Variants in EML6 observed in about 807,000 individuals in gnomAD.
EML6 encodes the protein echinoderm microtubule-associated protein-like 6.
A neutral mutation model predicts 240.1 loss-of-function variants in EML6; 154 were observed. The ratio of observed to expected loss-of-function variants is 0.64; its 90% confidence interval spans 0.56 to 0.73. The LOEUF (loss-of-function observed/expected upper bound fraction) is 0.73, where lower values mean the gene tolerates loss of function less well. EML6 is among the 30% of genes least tolerant of loss of function. The pLI is 0.00. For missense variants in EML6, 2,964 were observed against 2,474.6 expected, an observed-to-expected ratio of 1.20 and a Z score of -4.20; for synonymous variants, 1,148 against 899.0, an observed-to-expected ratio of 1.28 and a Z score of -4.95.
chr2:54,798,677 T>C (rs145581225), intron 2 of EML6, among the ~76,000 whole-genome samples: 18 of 152,306 alleles, frequency 1.2e-4, no homozygotes, highest in African/African-American at 4.1e-4. Context: ...TTTTTATTGA[T>C]TAGGATAATA....
chr2:54,822,902 A>G (rs1668396517), intron 5 of EML6, among the ~76,000 whole-genome samples: 1 of 152,216 alleles, frequency 6.6e-6, no homozygotes, highest in African/African-American at 2.4e-5. Context: ...ATATTCCATC[A>G]ACACTTTAGG....
Position 54,951,179 on chromosome 2 carries a change from A to T in EML6, c.4213+400A>T, listed in dbSNP as rs148833676. On this transcript the variant is annotated intron_variant, in intron 30 of 41. Coordinates refer to ENST00000356458, the MANE Select transcript of EML6 (RefSeq NM_001039753.4). ...TATTTTTTAACAGCTCAGATTTTTC[A>T]AGTTGTATTTTGACAGTTTAGCCAC... is the stretch of plus-strand genomic sequence containing the variant. Among the ~76,000 whole-genome samples, 417 of 152,318 alleles carry T rather than the reference A, an allele frequency of 2.7e-3. 2 individuals carry two copies. Among genetic ancestry groups the T allele is most frequent in the African/African-American group, 9.7e-3 (405 of 41,566 alleles).
At chr2:54,806,612 C>CAAAAAAAAAAAAAAAAAAAAAAAAAAAAA (rs58185994) in intron 2 of EML6, among the ~76,000 whole-genome samples, 6 of 52,862 alleles carry the variant, frequency 1.1e-4, no homozygotes, top group East Asian at 5.3e-4. Context: ...ACTCCGTCTC[C>CAAAAAAAAAAAAAAAAAAAAAAAAAAAAA]AAAAAAAAAA....
chr2:54,813,962 C>T (rs1667971774), intron 3 of EML6, among the ~76,000 whole-genome samples: 1 of 152,138 alleles, frequency 6.6e-6, no homozygotes, highest in African/African-American at 2.4e-5. Flanking sequence ...TGCCACTGTC[C>T]TTTAAGTGCT....
intron 6 of EML6, among the ~76,000 whole-genome samples, 166 bp downstream of exon 6, chr2:54,827,917 T>C (rs1668674458): frequency 6.6e-6 from 1 of 152,222 alleles, no homozygotes; most frequent in Admixed American, 6.5e-5. Context: ...AAGGAAAATA[T>C]ATTTCAAAAG....
chr2:54,825,269 G>T (rs1250027680), intron 5 of EML6, among the ~76,000 whole-genome samples: 1 of 152,148 alleles, frequency 6.6e-6, no homozygotes, highest in African/African-American at 2.4e-5. Flanking sequence ...CAAGTTCTTT[G>T]GCATGTTGGT....
rs759538652 is a variant in EML6, at chr2:54,964,024, G to A, written c.5196G>A (p.Arg1732=). Residue 1732 remains arginine, a synonymous_variant, in exon 37 of 42, where the codon AGG becomes AGA. Transcript: ENST00000356458. ...AGGTGAGCTTGGGCCATGCGGCCAG[G>A]TGTGCAGCCTACAGCCCTGATGGGG... The part of the protein sequence containing the change: ...LNKVSLGHAA[R]CAAYSPDGEM... 45 of 1,551,590 alleles carry A rather than the reference G, an allele frequency of 2.9e-5. 1 individual carries two copies. Among genetic ancestry groups the A allele is most frequent in the Admixed American group, 5.9e-5 (3 of 50,980 alleles).
chr2:54,789,279 C>T (rs1669263512), intron 2 of EML6, among the ~76,000 whole-genome samples: 1 of 151,986 alleles, frequency 6.6e-6, no homozygotes, highest in Non-Finnish European at 1.5e-5. Flanking sequence ...TTTGGGAGGC[C>T]AAGGCGGGCG....
intron 26 of EML6, among the ~76,000 whole-genome samples, chr2:54,922,108 A>G (rs973571360): frequency 4.6e-5 from 7 of 152,344 alleles, no homozygotes; most frequent in Admixed American, 6.5e-5. Flanking sequence ...AAATGAAACA[A>G]TCAACAAAAT....
chr2:54,964,870 C>G (rs1573228760), intron 38 of EML6, 137 bp downstream of exon 38: 2 of 695,086 alleles, frequency 2.9e-6, no homozygotes, highest in Admixed American at 3.4e-5. Flanking sequence ...TAAGTAGTTA[C>G]TTTTTCCATA....
intron 39 of EML6, 133 bp from the exon 40 acceptor site, chr2:54,967,995 T>C: frequency 1.2e-6 from 1 of 821,528 alleles, no homozygotes; most frequent in Non-Finnish European, 1.9e-6. Flanking sequence ...CCAGTACCGT[T>C]CCGTGGCCTG....
At chr2:54,896,652 C>A (rs1387869828) in intron 21 of EML6, among the ~76,000 whole-genome samples, 3 of 152,188 alleles carry the variant, frequency 2.0e-5, no homozygotes, top group South Asian at 2.1e-4. Context: ...GTCAGAACTT[C>A]CAAGATTCCA....
chr2:54,946,357 C>T (rs1237209085), intron 28 of EML6, among the ~76,000 whole-genome samples: 1 of 152,182 alleles, frequency 6.6e-6, no homozygotes, highest in African/African-American at 2.4e-5. Context: ...GCCTTCCTCG[C>T]ACTCCTGTCC....
intron 26 of EML6, among the ~76,000 whole-genome samples, chr2:54,927,915 C>A (rs552007266): frequency 6.6e-6 from 1 of 152,206 alleles, no homozygotes; most frequent in Non-Finnish European, 1.5e-5. Flanking sequence ...GTACAAAAGT[C>A]ACTGTAGGAG....
chr2:54,953,949 G>A, intron 31 of EML6, 34 bp from the exon 32 acceptor site: 1 of 1,514,150 alleles, frequency 6.6e-7, no homozygotes, highest in Middle Eastern at 1.7e-4. Context: ...CCATTTGTCA[G>A]CCTTACTTCT....
chr2:54,799,720 C>T (rs900119150), intron 2 of EML6, among the ~76,000 whole-genome samples: 1 of 152,070 alleles, frequency 6.6e-6, no homozygotes, highest in East Asian at 1.9e-4. Flanking sequence ...AAGAGTAAAA[C>T]GCTTACTATC....
intron 16 of EML6, among the ~76,000 whole-genome samples, chr2:54,877,071 C>T (rs560000889): frequency 1.8e-4 from 27 of 152,088 alleles, no homozygotes; most frequent in African/African-American, 5.8e-4. Flanking sequence ...CAGCCTGGAC[C>T]TCCTGAGCTC....
intron 2 of EML6, among the ~76,000 whole-genome samples, chr2:54,790,523 T>C (rs1669377882): frequency 1.3e-5 from 2 of 152,154 alleles, no homozygotes; most frequent in South Asian, 4.1e-4. Flanking sequence ...ACCACCCATT[T>C]CACGGCTGGA....
chr2:54,900,556 C>A (rs559016799), intron 22 of EML6, among the ~76,000 whole-genome samples: 20 of 152,274 alleles, frequency 1.3e-4, no homozygotes, highest in Admixed American at 3.9e-4. Context: ...AATATGAGAG[C>A]CACATGAGAT....
Sources: allele counts gnomAD v4.1 joint callset (sites outside exome capture counted in the v4.1 genomes callset), GRCh38; gene constraint gnomAD v4.1.1; transcripts MANE v1.5; gene names NCBI Gene and HGNC (gene_info 2026-07-23, HGNC 2026-07-21).